BCKDHA: variants seen among roughly 807,000 people sequenced by gnomAD.
The protein encoded by BCKDHA is 2-oxoisovalerate dehydrogenase subunit alpha, mitochondrial.
Under a neutral mutation model 52.2 loss-of-function variants are expected in BCKDHA, and 43 were observed. The ratio of observed to expected loss-of-function variants is 0.82; its 90% CI spans 0.64 to 1.06. The LOEUF is 1.06. Ranked by LOEUF, BCKDHA falls within the 50% of genes least tolerant of loss-of-function variation. The pLI is 0.00. For missense variants in BCKDHA, 527 were observed against 621.3 expected, an observed-to-expected ratio of 0.85 and a Z score of 1.61; for synonymous variants, 234 against 247.9, an observed-to-expected ratio of 0.94 and a Z score of 0.53.
chr19:41,410,208 A>C (rs748195182), intron 1 of BCKDHA, among the ~76,000 whole-genome samples: 6 of 152,184 alleles, frequency 3.9e-5, no homozygotes, highest in Non-Finnish European at 8.8e-5. Context: ...TGCAGTGGGC[A>C]TGTGTGTCTG....
At chr19:41,404,744 C>T (rs1016671314) in intron 1 of BCKDHA, among the ~76,000 whole-genome samples, 1 of 152,138 alleles carries the variant, frequency 6.6e-6, no homozygotes, top group African/African-American at 2.4e-5. Flanking sequence ...TAGGTGCGTG[C>T]CACCACGCCT....
At position 41,422,759 on chromosome 19, in the gene BCKDHA, C is replaced by G; in HGVS notation, c.984C>G (p.Ala328=). 6.2e-7 allele frequency: 1 copy of G among 1,613,506 alleles called. No individual in the cohort carries two copies. Among genetic ancestry groups the G allele is most frequent in the Non-Finnish European group, 8.5e-7 (1 of 1,180,028 alleles). The change falls in exon 7 of 9, where the codon GCC becomes GCG. Residue 328 remains alanine (A), a synonymous_variant. Coordinates refer to ENST00000269980, the MANE Select transcript of BCKDHA (RefSeq NM_000709.4). The stretch of plus-strand genomic sequence containing the variant: ...AGAACCAGCCCTTCCTCATCGAGGC[C>G]ATGACCTACAGGTGCCTGCCGCTCC... ...VAENQPFLIE[A]MTYRIGHHST...
chr19:41,423,467 G>A (rs1326914835), intron 8 of BCKDHA, among the ~76,000 whole-genome samples: 2 of 152,094 alleles, frequency 1.3e-5, no homozygotes, highest in East Asian at 1.9e-4. Flanking sequence ...GGCCGAGGTG[G>A]CAGATCACTT....
intron 1 of BCKDHA, among the ~76,000 whole-genome samples, chr19:41,403,502 C>T (rs1019774933): frequency 6.6e-6 from 1 of 152,182 alleles, no homozygotes; most frequent in Admixed American, 6.5e-5. Flanking sequence ...TCTGATTGAC[C>T]TATAGCAGCC....
Position 41,423,127 on chromosome 19 carries a change from TGAG to T in BCKDHA, c.1129_1131del (p.Glu377del). ...ATCTGCTGAGCCAAGGCTGGTGGGA[TGAG>T]GAGCAGGAGAAGGCCTGGAGGAAGC... On this transcript the variant is annotated inframe_deletion, in exon 8 of 9. Transcript: ENST00000269980. 1 of 1,560,638 alleles carries T rather than the reference TGAG, an allele frequency of 6.4e-7. No homozygotes were observed. The highest frequency in any genetic ancestry group is 8.7e-7 in the Non-Finnish European group (1 of 1,152,320).
chr19:41,406,001 G>T (rs1370103987), intron 1 of BCKDHA, among the ~76,000 whole-genome samples: 1 of 152,180 alleles, frequency 6.6e-6, no homozygotes, highest in East Asian at 1.9e-4. Flanking sequence ...GATGGGTGGA[G>T]TCGCATCCTT....
chr19:41,419,153 A>C lies in BCKDHA; in HGVS notation c.503A>C (p.Asp168Ala), dbSNP rs969597284. The change falls in exon 5 of 9, where the codon GAC (aspartate) becomes GCC (alanine). Residue 168 changes from aspartate (D) to alanine (A), a missense_variant. Physicochemically the swap from Asp to Ala is moderately radical, Grantham distance 126. Transcript: ENST00000269980. Reference protein sequence around the residue: ...YREAGVLMYRDYPLELFMAQC... With the variant: ...YREAGVLMYRAYPLELFMAQC... ...CTCCTAGGTGTGCTGATGTATCGGGACTACCCCCTGGAACTATTCATGGCC... is the reference window on the plus strand; with the variant it reads ...CTCCTAGGTGTGCTGATGTATCGGGCCTACCCCCTGGAACTATTCATGGCC... 1 of 1,614,174 alleles carries C rather than the reference A, an allele frequency of 6.2e-7. No individual in the cohort carries two copies. The highest frequency in any genetic ancestry group is 1.3e-5 in the African/African-American group (1 of 75,044).
At chr19:41,416,872 T>C (rs1345960386) in intron 4 of BCKDHA, among the ~76,000 whole-genome samples, 6 of 152,074 alleles carry the variant, frequency 3.9e-5, no homozygotes, top group African/African-American at 1.4e-4. Flanking sequence ...GAGCTATGAT[T>C]CCACCACCGA....
At chr19:41,398,327 G>T (rs2039099599) in intron 1 of BCKDHA, among the ~76,000 whole-genome samples, 2 of 152,072 alleles carry the variant, frequency 1.3e-5, no homozygotes, top group Non-Finnish European at 2.9e-5. Context: ...CTTTCTTCTG[G>T]GCAAAGATCC....
intron 5 of BCKDHA, among the ~76,000 whole-genome samples, chr19:41,419,516 A>G (rs2039341939): frequency 6.6e-6 from 1 of 152,086 alleles, no homozygotes; most frequent in Non-Finnish European, 1.5e-5. Context: ...ATCGCAGCTC[A>G]CTGCAGCCTC....
rs762916966 is a variant in BCKDHA at position 41,397,966 on chromosome 19, A to C, written c.108+31A>C. ...TACCTGGGCCCCAGGCGGTTTTCCC[A>C]AAGGGGATTAGGGATGTAAAGGCTA... On this transcript the variant is annotated intron_variant, in intron 1 of 8. Transcript: ENST00000269980. 14 of 1,584,536 alleles carry C rather than the reference A, an allele frequency of 8.8e-6. No individual in the cohort carries two copies. The South Asian group carries it at 1.4e-4, about 16-fold the overall frequency.
At chr19:41,413,145 C>T (rs890343257) in intron 3 of BCKDHA, among the ~76,000 whole-genome samples, 1 of 152,178 alleles carries the variant, frequency 6.6e-6, no homozygotes, top group African/African-American at 2.4e-5. Flanking sequence ...AGCATGGCTG[C>T]TGCATGTCCA....
At chr19:41,399,308 C>T (rs1163319724) in intron 1 of BCKDHA, 2 of 148,950 alleles carry the variant, frequency 1.3e-5, no homozygotes, top group East Asian at 3.9e-4. Context: ...CAGTCTCTTG[C>T]CTTTGGGCTG....
rs1469254740 is a variant in BCKDHA at position 41,423,040 on chromosome 19, C to T, written c.1038C>T (p.Arg346=). ...CCAGTGACGACAGTTCAGCGTACCG[C>T]TCGGTGGATGAGGTCAATTACTGGG... ...HSTSDDSSAY[R]SVDEVNYWDK... The change falls in exon 8 of 9, where the codon CGC becomes CGT. Residue 346 remains arginine (R), a synonymous_variant. Transcript: ENST00000269980. 6.2e-7 allele frequency: 1 copy of T among 1,606,284 alleles called. No individual in the cohort carries two copies. The highest frequency in any genetic ancestry group is 8.5e-7 in the Non-Finnish European group (1 of 1,176,382).
At chr19:41,423,242 A>G in intron 8 of BCKDHA, 73 bp downstream of exon 8, 1 of 1,541,076 alleles carries the variant, frequency 6.5e-7, no homozygotes, top group East Asian at 2.4e-5. Flanking sequence ...GATTTGTGGA[A>G]CACCGAACTG....
At position 41,397,825 on chromosome 19, in the gene BCKDHA, A is replaced by C. The variant is rs1474976101; in HGVS notation, c.-3A>C. 6.2e-7 allele frequency: 1 copy of C among 1,614,096 alleles called. No homozygotes were observed. Among genetic ancestry groups the C allele is most frequent in the South Asian group, 1.1e-5 (1 of 91,078 alleles). ...CCGGACCGCTGAGTGGTTGTTAGCC[A>C]AGATGGCGGTAGCGATCGCTGCAGC... On this transcript the variant is annotated 5_prime_UTR_variant, in exon 1 of 9. Coordinates refer to ENST00000269980, the MANE Select transcript of BCKDHA (RefSeq NM_000709.4).
rs374625613 is a variant in BCKDHA, at chr19:41,410,655, C to T, written c.127C>T (p.Gln43Ter). The change falls in exon 2 of 9, where the codon CAG becomes TAG. Residue 43 changes from glutamine (Q) to a stop codon, truncating the protein, a stop_gained. Coordinates refer to ENST00000269980, the MANE Select transcript of BCKDHA (RefSeq NM_000709.4). LOFTEE classifies it high-confidence loss of function. ...TCCCCAGCACCCCCCCAGGCAGCAG[C>T]AGCAGTTTTCATCTCTGGATGACAA... ...LARSHPPRQQ[Q>*]QFSSLDDKPQ... The T allele has an allele frequency of 1.2e-6, 2 of 1,614,100 alleles. No individual in the cohort carries two copies. Among genetic ancestry groups the T allele is most frequent in the African/African-American group, 2.7e-5 (2 of 74,924 alleles).
Position 41,423,095 on chromosome 19 carries a change from C to G in BCKDHA, c.1093C>G (p.Arg365Gly). The change falls in exon 8 of 9, where the codon CGG becomes GGG. Residue 365 changes from arginine (R) to glycine (G), a missense_variant. Arg to Gly is a moderately radical substitution (Grantham distance 125). Transcript: ENST00000269980. ...ACAGGACCACCCCATCTCCCGGCTGCGGCACTATCTGCTGAGCCAAGGCTG... is the reference window on the plus strand; with the variant it reads ...ACAGGACCACCCCATCTCCCGGCTGGGGCACTATCTGCTGAGCCAAGGCTG... ...DKQDHPISRL[R>G]HYLLSQGWWD... 2 of 1,572,314 alleles carry G rather than the reference C, an allele frequency of 1.3e-6. No individual in the cohort carries two copies. The highest frequency in any genetic ancestry group is 1.7e-6 in the Non-Finnish European group (2 of 1,158,510).
At chr19:41,423,648 A>G (rs2039395028) in intron 8 of BCKDHA, among the ~76,000 whole-genome samples, 1 of 152,178 alleles carries the variant, frequency 6.6e-6, no homozygotes, top group Non-Finnish European at 1.5e-5. Flanking sequence ...CCTGGCCAAC[A>G]TGGTGAAACC....
Sources: allele counts gnomAD v4.1 joint callset (sites outside exome capture counted in the v4.1 genomes callset), GRCh38; gene constraint gnomAD v4.1.1; transcripts MANE v1.5; gene names NCBI Gene and HGNC (gene_info 2026-07-23, HGNC 2026-07-21).